Variants in ALK observed in about 807,000 individuals in gnomAD.
ALK encodes ALK receptor tyrosine kinase.
Under a neutral mutation model 163.1 loss-of-function variants are expected in ALK, and 74 were observed. The ratio of observed to expected loss-of-function variants is 0.45; its 90% CI spans 0.38 to 0.55. The LOEUF is 0.55. Ranked by LOEUF, ALK falls within the 20% of genes least tolerant of loss-of-function variation. ALK has a pLI of 0.00. For missense variants in ALK, 2,063 were observed against 2,105.3 expected (o/e 0.98, Z 0.39); for synonymous variants, 960 against 843.2 (o/e 1.14, Z -2.40).
At chr2:29,498,096 C>A (rs1672077682) in intron 4 of ALK, among the ~76,000 whole-genome samples, 1 of 152,114 alleles carries the variant, frequency 6.6e-6, no homozygotes, top group African/African-American at 2.4e-5. Context: ...CACATGGGAG[C>A]TGAGAGGATG....
intron 1 of ALK, chr2:29,890,364 T>C (rs576780649): frequency 6.6e-6 from 1 of 152,328 alleles, no homozygotes; most frequent in South Asian, 2.1e-4. Context: ...GAAATCTGGA[T>C]TTCTATGCCC....
intron 3 of ALK, among the ~76,000 whole-genome samples, chr2:29,595,718 C>T (rs773470911): frequency 1.3e-5 from 2 of 151,968 alleles, no homozygotes; most frequent in East Asian, 1.9e-4. Flanking sequence ...GAGAGGAAGA[C>T]GGAGAGAGAA....
chr2:29,511,567 T>C (rs72794487), intron 4 of ALK, among the ~76,000 whole-genome samples: 343 of 152,338 alleles, frequency 2.3e-3, no homozygotes, highest in Admixed American at 3.9e-3. Context: ...GGTGCAGTTT[T>C]AAACTACTGT....
At chr2:29,414,994 T>C (rs140397829) in intron 4 of ALK, among the ~76,000 whole-genome samples, 3 of 151,952 alleles carry the variant, frequency 2.0e-5, no homozygotes, top group Non-Finnish European at 4.4e-5. Flanking sequence ...AGCATACAAA[T>C]GCATGCATGG....
chr2:29,430,202 A>T (rs1670240659), intron 4 of ALK, among the ~76,000 whole-genome samples: 2 of 152,192 alleles, frequency 1.3e-5, no homozygotes, highest in Non-Finnish European at 2.9e-5. Context: ...GAAAAATTAG[A>T]ATTTATCAAA....
At chr2:29,473,138 C>A in intron 4 of ALK, among the ~76,000 whole-genome samples, 1 of 152,196 alleles carries the variant, frequency 6.6e-6, no homozygotes, top group East Asian at 1.9e-4. Context: ...GTATTTAAAA[C>A]AGTGTGGTAC....
At chr2:29,412,933 T>G (rs1446077020) in intron 4 of ALK, among the ~76,000 whole-genome samples, 1 of 152,248 alleles carries the variant, frequency 6.6e-6, no homozygotes, top group East Asian at 1.9e-4. Flanking sequence ...TCTCCTTGCC[T>G]TCAATGAAGT....
intron 4 of ALK, among the ~76,000 whole-genome samples, chr2:29,487,326 T>A (rs4292055): frequency 1.3e-5 from 2 of 151,890 alleles, no homozygotes; most frequent in African/African-American, 4.8e-5. Flanking sequence ...GAGAACAGTG[T>A]GAAAGGGAAC....
chr2:29,294,071 T>C (rs999750230), intron 9 of ALK, among the ~76,000 whole-genome samples: 1 of 152,204 alleles, frequency 6.6e-6, no homozygotes, highest in Non-Finnish European at 1.5e-5. Flanking sequence ...TAAGGAAGCT[T>C]CATGGGATGT....
intron 3 of ALK, among the ~76,000 whole-genome samples, chr2:29,594,807 A>G (rs1321231977): frequency 2.1e-5 from 3 of 140,584 alleles, no homozygotes; most frequent in African/African-American, 7.9e-5. Flanking sequence ...GTGTGGCTAT[A>G]GGGGTGTGTG....
At chr2:29,358,269 T>C (rs1400328549) in intron 5 of ALK, among the ~76,000 whole-genome samples, 1 of 152,222 alleles carries the variant, frequency 6.6e-6, no homozygotes, top group African/African-American at 2.4e-5. Context: ...TCTTAAGATA[T>C]TTTACCTTCT....
intron 4 of ALK, among the ~76,000 whole-genome samples, chr2:29,497,782 C>T (rs1558351528): frequency 6.6e-6 from 1 of 152,092 alleles, no homozygotes; most frequent in Non-Finnish European, 1.5e-5. Context: ...AAAAATAAGG[C>T]ATGATCATTT....
intron 3 of ALK, among the ~76,000 whole-genome samples, chr2:29,684,748 T>G (rs1430574918): frequency 2.6e-5 from 4 of 152,218 alleles, no homozygotes; most frequent in African/African-American, 9.6e-5. Context: ...AGGGTGAGTC[T>G]TCTGTAGGCA....
chr2:29,220,955 G>A (rs886972883), intron 22 of ALK, 120 bp from the exon 23 acceptor site: 8 of 1,401,372 alleles, frequency 5.7e-6, no homozygotes, highest in Non-Finnish European at 7.9e-6. Flanking sequence ...AAGGCATTCT[G>A]TAAACATGGG....
intron 4 of ALK, among the ~76,000 whole-genome samples, chr2:29,403,951 A>G (rs1372313494): frequency 1.3e-5 from 2 of 152,024 alleles, no homozygotes; most frequent in Non-Finnish European, 1.5e-5. Context: ...AGTAAACACA[A>G]TCTTAAAAAT....
intron 1 of ALK, chr2:29,891,073 A>G (rs181729589): frequency 9.8e-5 from 15 of 152,318 alleles, no homozygotes; most frequent in Non-Finnish European, 1.9e-4. Flanking sequence ...GTGAGGATTA[A>G]AAGAGACAAC....
At chr2:29,226,224 A>T (rs552364295) in intron 18 of ALK, among the ~76,000 whole-genome samples, 14 of 152,138 alleles carry the variant, frequency 9.2e-5, no homozygotes, top group Admixed American at 7.9e-4. Context: ...CACACCTGTA[A>T]TCCCAGCACT....
intron 1 of ALK, among the ~76,000 whole-genome samples, chr2:29,829,031 T>C (rs1250964570): frequency 1.3e-5 from 2 of 151,770 alleles, no homozygotes; most frequent in African/African-American, 4.8e-5. Flanking sequence ...TGGATGAAGC[T>C]GGAAACCATC....
intron 3 of ALK, among the ~76,000 whole-genome samples, chr2:29,623,549 A>G (rs1378032373): frequency 1.3e-5 from 2 of 152,224 alleles, no homozygotes. Flanking sequence ...GGTACTATTC[A>G]CATCTCCATT....
Sources: gnomAD v4.1 joint callset for allele counts (sites outside exome capture counted in the v4.1 genomes callset) on GRCh38, gnomAD v4.1.1 for gene constraint, MANE v1.5 for transcripts, NCBI Gene and HGNC (gene_info 2026-07-23, HGNC 2026-07-21) for gene names.